Variants in ITFG1 observed in about 807,000 individuals in gnomAD.
The protein encoded by ITFG1 is T-cell immunomodulatory protein.
A neutral mutation model predicts 81.8 loss-of-function variants in ITFG1; 34 were observed. The ratio of observed to expected loss-of-function variants is 0.42; its 90% CI spans 0.32 to 0.55. ITFG1 has a LOEUF of 0.55. Ranked by LOEUF, ITFG1 falls within the 20% of genes least tolerant of loss-of-function variation. The pLI, the probability that ITFG1 is intolerant of heterozygous loss-of-function variation, is 0.17. For synonymous variants in ITFG1, 285 were observed against 270.6 expected (o/e 1.05, Z -0.52); for missense variants, 672 against 755.4 (o/e 0.89, Z 1.29).
intron 5 of ITFG1, among the ~76,000 whole-genome samples, chr16:47,442,213 C>T (rs931732055): frequency 1.4e-4 from 21 of 152,170 alleles, no homozygotes; most frequent in African/African-American, 5.1e-4. Context: ...ATTCCATGCG[C>T]ATGGGTAGGA....
chr16:47,180,001 G>A (rs1965085021), intron 14 of ITFG1, among the ~76,000 whole-genome samples: 1 of 152,310 alleles, frequency 6.6e-6, no homozygotes, highest in African/African-American at 2.4e-5. Flanking sequence ...TAGCTGATAG[G>A]ATGAAGTGAT....
intron 14 of ITFG1, chr16:47,202,233 C>T (rs752374362): frequency 1.3e-5 from 2 of 152,094 alleles, no homozygotes; most frequent in Non-Finnish European, 2.9e-5. Flanking sequence ...GATGAGATGG[C>T]TACTTATTAT....
intron 6 of ITFG1, among the ~76,000 whole-genome samples, chr16:47,424,876 C>T (rs1968999231): frequency 6.6e-6 from 1 of 152,092 alleles, no homozygotes; most frequent in Non-Finnish European, 1.5e-5. Context: ...GTCTCCTAGT[C>T]AGGCTACATT....
At chr16:47,284,766 G>C (rs1273167575) in intron 10 of ITFG1, among the ~76,000 whole-genome samples, 1 of 152,124 alleles carries the variant, frequency 6.6e-6, no homozygotes, top group Non-Finnish European at 1.5e-5. Context: ...ATAATTCATG[G>C]AAGAATAACT....
intron 10 of ITFG1, among the ~76,000 whole-genome samples, chr16:47,279,838 ATG>A (rs2151549735): frequency 6.6e-6 from 1 of 152,254 alleles, no homozygotes; most frequent in African/African-American, 2.4e-5. Flanking sequence ...GATACTTAAT[ATG>A]TTTCATTTAT....
intron 10 of ITFG1, among the ~76,000 whole-genome samples, chr16:47,277,050 T>C (rs1410105198): frequency 1.3e-5 from 2 of 152,186 alleles, no homozygotes; most frequent in East Asian, 3.9e-4. Context: ...AAGCTAGCTA[T>C]AATTATCCCT....
chr16:47,373,139 T>G (rs1968279363), intron 7 of ITFG1, among the ~76,000 whole-genome samples: 2 of 152,218 alleles, frequency 1.3e-5, no homozygotes. Context: ...ATCTCTTTCA[T>G]GTTCTGGCCT....
chr16:47,403,553 G>A (rs2151600068), intron 6 of ITFG1, among the ~76,000 whole-genome samples: 1 of 152,138 alleles, frequency 6.6e-6, no homozygotes, highest in East Asian at 1.9e-4. Context: ...AAGACAACTG[G>A]GAAAATATGA....
chr16:47,258,265 G>A (rs771739147), intron 12 of ITFG1, among the ~76,000 whole-genome samples: 3 of 152,208 alleles, frequency 2.0e-5, no homozygotes, highest in Non-Finnish European at 4.4e-5. Flanking sequence ...AATAATTCAT[G>A]ACCTAAGTTG....
intron 2 of ITFG1, among the ~76,000 whole-genome samples, chr16:47,458,698 A>C (rs1360967666): frequency 6.6e-6 from 1 of 152,168 alleles, no homozygotes; most frequent in African/African-American, 2.4e-5. Context: ...TTAAACAAAA[A>C]AATTAGAACA....
intron 14 of ITFG1, among the ~76,000 whole-genome samples, chr16:47,179,344 T>C (rs1037971296): frequency 6.6e-6 from 1 of 152,254 alleles, no homozygotes; most frequent in East Asian, 1.9e-4. Flanking sequence ...CCATCAATGA[T>C]AGATTGGATT....
At chr16:47,460,758 G>A in intron 1 of ITFG1, 80 bp downstream of exon 1, 5 of 1,442,650 alleles carry the variant, frequency 3.5e-6, no homozygotes, top group Admixed American at 1.9e-5. Flanking sequence ...CAGAAGGACC[G>A]GCCATTGGGC....
intron 10 of ITFG1, among the ~76,000 whole-genome samples, chr16:47,274,729 A>G (rs1191310640): frequency 6.6e-6 from 1 of 152,048 alleles, no homozygotes; most frequent in African/African-American, 2.4e-5. Flanking sequence ...TCACTTCTAT[A>G]TATCCTTATA....
intron 10 of ITFG1, among the ~76,000 whole-genome samples, chr16:47,296,581 A>G: frequency 6.6e-6 from 1 of 152,078 alleles, no homozygotes; most frequent in East Asian, 1.9e-4. Context: ...GATTACAGGT[A>G]CACGCCATCA....
At chr16:47,200,358 A>G (rs1289189623) in intron 14 of ITFG1, among the ~76,000 whole-genome samples, 1 of 152,236 alleles carries the variant, frequency 6.6e-6, no homozygotes, top group African/African-American at 2.4e-5. Context: ...TCATTTGTAC[A>G]TTTCTACATA....
intron 8 of ITFG1, chr16:47,365,545 C>T: frequency 2.6e-6 from 1 of 385,062 alleles, no homozygotes; most frequent in African/African-American, 2.0e-5. Flanking sequence ...TCTTGTTTTG[C>T]ATATTACTTC....
chr16:47,226,366 C>T (rs868135551), intron 13 of ITFG1, among the ~76,000 whole-genome samples: 7 of 152,206 alleles, frequency 4.6e-5, no homozygotes, highest in Non-Finnish European at 8.8e-5. Context: ...TGCGCCACCA[C>T]ACCCGGTTAA....
intron 6 of ITFG1, among the ~76,000 whole-genome samples, chr16:47,419,334 T>C (rs764894957): frequency 6.6e-6 from 1 of 151,982 alleles, no homozygotes; most frequent in Non-Finnish European, 1.5e-5. Context: ...AGTGGCATAA[T>C]CATTGCTCAC....
chr16:47,348,855 G>A (rs564103883), intron 8 of ITFG1, among the ~76,000 whole-genome samples: 78 of 152,236 alleles, frequency 5.1e-4, no homozygotes, highest in Non-Finnish European at 7.5e-4. Flanking sequence ...GACTAACAGC[G>A]GATCTCTCAG....
Sources: gnomAD v4.1 joint callset for allele counts (sites outside exome capture counted in the v4.1 genomes callset) on GRCh38, gnomAD v4.1.1 for gene constraint, MANE v1.5 for transcripts, NCBI Gene and HGNC (gene_info 2026-07-23, HGNC 2026-07-21) for gene names.